Variants in ZNF618 observed in about 807,000 individuals in gnomAD.
ZNF618 encodes the protein neural precursor cell expressed, developmentally down-regulated 10.
ZNF618 carries 34 observed loss-of-function variants against 103.0 expected under a neutral mutation model. The observed-to-expected ratio is 0.33, with a 90% confidence interval of 0.25 to 0.44. The LOEUF is 0.44. ZNF618 is among the 20% of genes least tolerant of loss of function. The pLI is 1.00. For synonymous variants in ZNF618, 551 were observed against 542.2 expected (o/e 1.02, Z -0.23); for missense variants, 1,059 against 1,295.4 (o/e 0.82, Z 2.80).
chr9:114,032,096 T>C (rs1368895161), intron 11 of ZNF618, among the ~76,000 whole-genome samples: 1 of 152,194 alleles, frequency 6.6e-6, no homozygotes, highest in Non-Finnish European at 1.5e-5. Context: ...CTGACCAGAC[T>C]TTGCCTGGGT....
intron 1 of ZNF618, among the ~76,000 whole-genome samples, chr9:113,961,379 T>A (rs1388639110): frequency 6.6e-6 from 1 of 152,232 alleles, no homozygotes; most frequent in African/African-American, 2.4e-5. Context: ...TCATAATACA[T>A]AGTGGTATTT....
intron 10 of ZNF618, among the ~76,000 whole-genome samples, chr9:114,024,459 T>G (rs1843331626): frequency 6.6e-6 from 1 of 152,278 alleles, no homozygotes; most frequent in Non-Finnish European, 1.5e-5. Context: ...TGATTTTGTC[T>G]TCCTTTGAAA....
Position 113,929,717 on chromosome 9 carries a change from A to T in ZNF618, c.34-39400A>T, listed in dbSNP as rs992463448. Among the ~76,000 whole-genome samples the T allele has an allele frequency of 2.6e-5, 4 of 152,246 alleles. No homozygotes were observed. In the South Asian group the frequency reaches 8.3e-4, roughly 32 times the overall value. Reference sequence around the variant, plus strand: ...CAGTTTTCCCAGCTTTATAGTGGGGATAAGGCCAAAGCTCTTCCAGTACTC... The same window carrying T: ...CAGTTTTCCCAGCTTTATAGTGGGGTTAAGGCCAAAGCTCTTCCAGTACTC... On this transcript the variant is annotated intron_variant, in intron 1 of 14. Coordinates refer to ENST00000374126, the MANE Select transcript of ZNF618 (RefSeq NM_001318042.2).
chr9:114,012,830 C>T (rs1445741708), intron 9 of ZNF618, among the ~76,000 whole-genome samples: 1 of 152,016 alleles, frequency 6.6e-6, no homozygotes, highest in Non-Finnish European at 1.5e-5. Flanking sequence ...TACCAGTGGC[C>T]AGAAACAGTG....
intron 1 of ZNF618, among the ~76,000 whole-genome samples, chr9:113,889,451 A>C (rs1829418615): frequency 6.6e-6 from 1 of 152,186 alleles, no homozygotes; most frequent in Non-Finnish European, 1.5e-5. Flanking sequence ...ATGTGCCAAG[A>C]TAGATAGCAC....
chr9:113,955,940 C>A (rs1458213800), intron 1 of ZNF618, among the ~76,000 whole-genome samples: 1 of 152,016 alleles, frequency 6.6e-6, no homozygotes, highest in Non-Finnish European at 1.5e-5. Context: ...GTTTCTCTGT[C>A]TGTAAAAGAG....
chr9:114,002,722 A>G, intron 6 of ZNF618, 60 bp downstream of exon 6: 2 of 1,583,412 alleles, frequency 1.3e-6, no homozygotes, highest in Non-Finnish European at 1.7e-6. Flanking sequence ...TGGGATGAAG[A>G]GGAGCTGCTT....
intron 1 of ZNF618, among the ~76,000 whole-genome samples, chr9:113,881,473 T>C (rs1051453491): frequency 6.6e-6 from 1 of 152,238 alleles, no homozygotes; most frequent in East Asian, 1.9e-4. Flanking sequence ...CATAATACTA[T>C]CCTTTCATCA....
At position 114,036,353 on chromosome 9, in the gene ZNF618, T is replaced by C. The variant is rs374290219; in HGVS notation, c.1222T>C (p.Leu408=). 5.1e-6 allele frequency: 8 copies of C among 1,582,878 alleles called. No homozygotes were observed. Among genetic ancestry groups the C allele is most frequent in the Non-Finnish European group, 6.9e-6 (8 of 1,163,944 alleles). The stretch of plus-strand genomic sequence containing the variant: ...CCAGTTCCAGTTCTACAACAACCTG[T>C]TGGAGCACATGCAGTCCCATGCAGG... ...GIQFQFYNNL[L]EHMQSHAADN... is the part of the protein sequence containing the mutation. The change falls in exon 13 of 15, where the codon TTG becomes CTG. Residue 408 remains leucine, a synonymous_variant. Transcript: ENST00000374126.
At chr9:113,979,927 C>A (rs1838824969) in intron 2 of ZNF618, among the ~76,000 whole-genome samples, 1 of 151,918 alleles carries the variant, frequency 6.6e-6, no homozygotes, top group Non-Finnish European at 1.5e-5. Flanking sequence ...GATTCCAGGG[C>A]AGTGTATAGG....
chr9:113,930,578 C>A (rs1345825565), intron 1 of ZNF618, among the ~76,000 whole-genome samples: 1 of 152,172 alleles, frequency 6.6e-6, no homozygotes, highest in Non-Finnish European at 1.5e-5. Flanking sequence ...CAGCATGTGG[C>A]CTGGTGCCCC....
chr9:113,957,902 G>C (rs1035915628), intron 1 of ZNF618, among the ~76,000 whole-genome samples: 1 of 151,712 alleles, frequency 6.6e-6, no homozygotes, highest in Non-Finnish European at 1.5e-5. Context: ...GCTTGGTGAG[G>C]CTGTACCAGG....
intron 1 of ZNF618, among the ~76,000 whole-genome samples, chr9:113,894,280 C>T (rs1025051773): frequency 3.3e-5 from 5 of 152,086 alleles, no homozygotes; most frequent in Non-Finnish European, 5.9e-5. Flanking sequence ...TCTTAAACAC[C>T]TTTTCAATTT....
intron 14 of ZNF618, among the ~76,000 whole-genome samples, 168 bp from the exon 15 acceptor site, chr9:114,048,483 C>A (rs1287921131): frequency 6.6e-6 from 1 of 152,188 alleles, no homozygotes; most frequent in African/African-American, 2.4e-5. Context: ...AGAACTTTAT[C>A]CCTGTGAGAC....
chr9:113,979,410 A>C (rs1258527068), intron 2 of ZNF618, among the ~76,000 whole-genome samples: 1 of 152,216 alleles, frequency 6.6e-6, no homozygotes, highest in African/African-American at 2.4e-5. Context: ...ATTTTTCATC[A>C]GTTCATCAGA....
At chr9:113,890,530 G>A (rs1018665204) in intron 1 of ZNF618, among the ~76,000 whole-genome samples, 1 of 152,094 alleles carries the variant, frequency 6.6e-6, no homozygotes, top group African/African-American at 2.4e-5. Context: ...TTAGATTTTG[G>A]TTATTTCTAA....
At chr9:113,935,011 A>C (rs1833912807) in intron 1 of ZNF618, among the ~76,000 whole-genome samples, 1 of 152,200 alleles carries the variant, frequency 6.6e-6, no homozygotes, top group Non-Finnish European at 1.5e-5. Context: ...GGCTGTCCCC[A>C]GGTGCAAGCC....
Position 113,938,362 on chromosome 9 carries a change from G to T in ZNF618, c.34-30755G>T, listed in dbSNP as rs574285092. Among the ~76,000 whole-genome samples, 24 of 147,424 alleles carry T rather than the reference G, an allele frequency of 1.6e-4. 1 individual carries two copies. The East Asian group carries it at 3.4e-3, about 21-fold the overall frequency. On this transcript the variant is annotated intron_variant, in intron 1 of 14. Transcript: ENST00000374126. ...CTAATTAAAAAAAAAAAAAAGTTTT[G>T]TAAGGACAGAGTCTTACTATGTTGC...
chr9:113,995,822 C>T (rs1476500470), intron 3 of ZNF618, among the ~76,000 whole-genome samples: 1 of 152,100 alleles, frequency 6.6e-6, no homozygotes, highest in Non-Finnish European at 1.5e-5. Context: ...CACCTCTTTG[C>T]TTGGAGCCCC....
Sources: gnomAD v4.1 joint callset for allele counts (sites outside exome capture counted in the v4.1 genomes callset) on GRCh38, gnomAD v4.1.1 for gene constraint, MANE v1.5 for transcripts, NCBI Gene and HGNC (gene_info 2026-07-23, HGNC 2026-07-21) for gene names.